The following PRDM16 variants were observed in gnomAD, a reference collection of about 807,000 sequenced individuals.
The protein encoded by PRDM16 is histone-lysine N-methyltransferase PRDM16.
A neutral mutation model predicts 110.6 loss-of-function variants in PRDM16; 23 were observed. The observed-to-expected ratio is 0.21, with a 90% CI of 0.15 to 0.29. The LOEUF (loss-of-function observed/expected upper bound fraction) is 0.29, where lower values mean the gene tolerates loss of function less well. PRDM16 is among the 10% of genes least tolerant of loss of function. PRDM16 has a pLI of 1.00. For missense variants in PRDM16, 1,615 were observed against 1,794.3 expected, an observed-to-expected ratio of 0.90 and a Z score of 1.81; for synonymous variants, 799 against 781.8, an observed-to-expected ratio of 1.02 and a Z score of -0.37.
intron 5 of PRDM16, among the ~76,000 whole-genome samples, chr1:3,399,286 G>A (rs1259895463): frequency 2.0e-5 from 3 of 152,218 alleles, no homozygotes; most frequent in South Asian, 2.1e-4. Flanking sequence ...CAGCCAGATC[G>A]TGAGATCAGA....
chr1:3,415,777 G>A (rs754411816), intron 10 of PRDM16, among the ~76,000 whole-genome samples: 5 of 152,234 alleles, frequency 3.3e-5, no homozygotes, highest in Admixed American at 2.0e-4. Flanking sequence ...CCTGCAGCCC[G>A]GAGCCAGGAG....
intron 3 of PRDM16, among the ~76,000 whole-genome samples, chr1:3,274,720 G>A (rs529900248): frequency 3.8e-4 from 58 of 152,324 alleles, no homozygotes; most frequent in African/African-American, 1.3e-3. Context: ...AGTCGCTGGA[G>A]CTGACACCCA....
In PRDM16 at chr1:3,411,488, A is replaced by G; in HGVS notation, c.1291A>G (p.Met431Val). 1.2e-6 allele frequency: 2 copies of G among 1,614,200 alleles called. No homozygotes were observed. The highest frequency in any genetic ancestry group is 1.7e-6 in the Non-Finnish European group (2 of 1,180,034). The change falls in exon 9 of 17, where the codon ATG becomes GTG. Residue 431 changes from methionine (M) to valine (V), a missense_variant. Physicochemically the swap from Met to Val is conservative, Grantham distance 21 (BLOSUM62 1). Coordinates refer to ENST00000270722, the MANE Select transcript of PRDM16 (RefSeq NM_022114.4). ...GATCAAGTGCAAGGACTGTGGCCAG[A>G]TGTTCAGCACTACCTCCTCCCTCAA... ...TQIKCKDCGQ[M>V]FSTTSSLNKH...
intron 4 of PRDM16, among the ~76,000 whole-genome samples, chr1:3,394,071 G>A (rs1341677669): frequency 1.3e-5 from 2 of 152,142 alleles, no homozygotes; most frequent in East Asian, 3.9e-4. Context: ...GCTGCCCTCG[G>A]AGCCGGGGTG....
In PRDM16 at chr1:3,162,909, G is replaced by GGAGAGGGGATGTGCGCAGAAGCCCCCGGC. The variant is rs1643912527; in HGVS notation, c.38-23216_38-23215insGAGAGGGGATGTGCGCAGAAGCCCCCGGC. 2.9e-4 allele frequency among the ~76,000 whole-genome samples: 17 copies of GGAGAGGGGATGTGCGCAGAAGCCCCCGGC among 59,426 alleles called. No homozygotes were observed. The South Asian group carries it at 3.9e-3, about 14-fold the overall frequency. The allele number at this position is 59,426 out of a possible 152,430, so 39.0% of individuals were successfully genotyped here. ...GATGTGCGCAGAAGCCCCTGGCATG[G>GGAGAGGGGATGTGCGCAGAAGCCCCCGGC]TCTAGAGGGCTTTGGGAGAGGGGAT... On this transcript the variant is annotated intron_variant, in intron 1 of 16. Coordinates refer to ENST00000270722, the MANE Select transcript of PRDM16 (RefSeq NM_022114.4).
At chr1:3,196,601 C>G (rs189877366) in intron 2 of PRDM16, among the ~76,000 whole-genome samples, 2 of 152,330 alleles carry the variant, frequency 1.3e-5, no homozygotes, top group Non-Finnish European at 1.5e-5. Context: ...CAGCCAGGAA[C>G]CGCAGGGGTT....
chr1:3,242,883 G>A (rs1453126472), intron 2 of PRDM16, among the ~76,000 whole-genome samples: 1 of 152,200 alleles, frequency 6.6e-6, no homozygotes, highest in Non-Finnish European at 1.5e-5. Flanking sequence ...CAACGTTGCG[G>A]TTTCCGTATA....
intron 3 of PRDM16, among the ~76,000 whole-genome samples, chr1:3,377,780 C>T (rs911379453): frequency 2.0e-5 from 3 of 152,198 alleles, no homozygotes; most frequent in South Asian, 4.1e-4. Flanking sequence ...TGGGCTGGGC[C>T]GCTCCTTCCC....
rs1639721832 is a variant in PRDM16, at chr1:3,243,518, A to T, written c.388-569A>T. Reference sequence around the variant, plus strand: ...CCGCTGTCTCCTGGGACCGCTGGGCAGAGTCCAGCTCCCCCCGACCTCTGC... The same window carrying T: ...CCGCTGTCTCCTGGGACCGCTGGGCTGAGTCCAGCTCCCCCCGACCTCTGC... On this transcript the variant is annotated intron_variant, in intron 2 of 16. Transcript: ENST00000270722. This position sits in a 1 kb window ranked among gnomAD's most constrained non-coding sequence, Gnocchi z 5.5. 6.6e-6 allele frequency among the ~76,000 whole-genome samples: 1 copy of T among 152,166 alleles called. No homozygotes were observed. The highest frequency in any genetic ancestry group is 1.5e-5 in the Non-Finnish European group (1 of 68,038).
chr1:3,322,482 G>A (rs1405343035), intron 3 of PRDM16, among the ~76,000 whole-genome samples: 2 of 152,090 alleles, frequency 1.3e-5, no homozygotes, highest in Admixed American at 6.5e-5. Flanking sequence ...AGTGCACCCC[G>A]GCTGGGGCTC....
intron 1 of PRDM16, among the ~76,000 whole-genome samples, chr1:3,135,557 G>C (rs1437957487): frequency 6.6e-6 from 1 of 152,212 alleles, no homozygotes; most frequent in Non-Finnish European, 1.5e-5. Flanking sequence ...GCCCGACCGA[G>C]CCCTCCCCCT....
At chr1:3,405,471 C>A in intron 7 of PRDM16, 24 bp from the exon 8 acceptor site, 1 of 1,541,978 alleles carries the variant, frequency 6.5e-7, no homozygotes, top group South Asian at 1.2e-5. Flanking sequence ...GCAGGGCACG[C>A]GCCAACGGCA....
chr1:3,158,803 T>A (rs1216952396), intron 1 of PRDM16, among the ~76,000 whole-genome samples: 1 of 150,914 alleles, frequency 6.6e-6, no homozygotes, highest in Non-Finnish European at 1.5e-5. Flanking sequence ...AGACAGAGTC[T>A]TGTTCTGTTG....
At chr1:3,256,607 C>G (rs572067496) in intron 3 of PRDM16, among the ~76,000 whole-genome samples, 18 of 152,150 alleles carry the variant, frequency 1.2e-4, no homozygotes, top group Non-Finnish European at 2.4e-4. Flanking sequence ...GCCTGTAATC[C>G]CAGCACTTTG....
chr1:3,365,479 C>T (rs999897694), intron 3 of PRDM16, among the ~76,000 whole-genome samples: 2 of 152,246 alleles, frequency 1.3e-5, no homozygotes, highest in Admixed American at 1.3e-4. Context: ...TTATATTGGG[C>T]AGGCCCACAC....
At chr1:3,252,809 C>T (rs1639964461) in intron 3 of PRDM16, among the ~76,000 whole-genome samples, 1 of 152,196 alleles carries the variant, frequency 6.6e-6, no homozygotes, top group South Asian at 2.1e-4. Flanking sequence ...GAGCCTCCCC[C>T]TCCTGCCTCA....
rs545448546 is a variant in PRDM16, at chr1:3,299,239, G to A, written c.438+55102G>A. Among the ~76,000 whole-genome samples the A allele has an allele frequency of 4.1e-3, 622 of 150,338 alleles. 7 individuals carry two copies. The highest frequency in any genetic ancestry group is 0.014 in the African/African-American group (556 of 40,364). On this transcript the variant is annotated intron_variant, in intron 3 of 16. Coordinates refer to ENST00000270722, the MANE Select transcript of PRDM16 (RefSeq NM_022114.4). ...TGGTTGAAGATGCCGTGCTGTGGCC[G>A]TGATGTTTCAGATCCCAGTCGTGGT... is the stretch of plus-strand genomic sequence containing the variant.
intron 1 of PRDM16, among the ~76,000 whole-genome samples, chr1:3,169,933 G>T (rs1025085764): frequency 2.0e-5 from 3 of 152,388 alleles, no homozygotes; most frequent in Non-Finnish European, 2.9e-5. Context: ...CGGCCCGCGC[G>T]CTCCGAGTAA....
At chr1:3,261,576 A>G (rs757163773) in intron 3 of PRDM16, among the ~76,000 whole-genome samples, 44 of 152,316 alleles carry the variant, frequency 2.9e-4, no homozygotes, top group Middle Eastern at 3.4e-3. Context: ...GAGCACAGGC[A>G]TTGAACCCAG....
Sources: allele counts gnomAD v4.1 joint callset (sites outside exome capture counted in the v4.1 genomes callset), GRCh38; gene constraint gnomAD v4.1.1; non-coding constraint Gnocchi (gnomAD v3.1); transcripts MANE v1.5; gene names NCBI Gene and HGNC (gene_info 2026-07-23, HGNC 2026-07-21).